Variants in GNAO1 observed in about 807,000 individuals in gnomAD.
GNAO1 encodes the protein G protein subunit alpha o1, also known as guanine nucleotide-binding protein G(o) subunit alpha.
For synonymous variants in GNAO1, 164 were observed against 180.7 expected (o/e 0.91, Z 0.74); for missense variants, 166 against 478.7 (o/e 0.35, Z 6.10).
intron 2 of GNAO1, among the ~76,000 whole-genome samples, chr16:56,240,513 G>A (rs2036684897): frequency 6.6e-6 from 1 of 152,086 alleles, no homozygotes; most frequent in Admixed American, 6.5e-5. Context: ...TGAGTGGTGG[G>A]TCCCATATGT....
At chr16:56,270,513 G>C (rs1048026878) in intron 2 of GNAO1, 68 of 152,202 alleles carry the variant, frequency 4.5e-4, no homozygotes, top group African/African-American at 1.5e-3. Flanking sequence ...CAGGTCTGGT[G>C]CATCTGTGTA....
intron 2 of GNAO1, among the ~76,000 whole-genome samples, chr16:56,250,470 A>G (rs75910214): frequency 2.8e-4 from 43 of 152,310 alleles, no homozygotes; most frequent in Non-Finnish European, 5.3e-4. Context: ...TGCCAGGTTT[A>G]GTTGGGTGGC....
At chr16:56,271,925 C>T (rs1450561265) in intron 2 of GNAO1, among the ~76,000 whole-genome samples, 4 of 152,194 alleles carry the variant, frequency 2.6e-5, no homozygotes, top group Middle Eastern at 3.4e-3. Flanking sequence ...CTGCTCTACT[C>T]GGCCTTTCTA....
In GNAO1 at chr16:56,261,193, C is replaced by G. The variant is rs191964679; in HGVS notation, c.162-14738C>G. Among the ~76,000 whole-genome samples the G allele has an allele frequency of 2.9e-3, 445 of 152,336 alleles. 10 individuals are homozygous for G. The highest frequency in any genetic ancestry group is 0.027 in the Admixed American group (415 of 15,298). ...TACCATAAGCAGTCCTCTCAGAGGA[C>G]ATGAGAAATCATGATTTCCCTGAGG... On this transcript the variant is annotated intron_variant, in intron 2 of 8. Coordinates refer to ENST00000262493, the MANE Select transcript of GNAO1 (RefSeq NM_020988.3).
In GNAO1 at chr16:56,299,163, G is replaced by C. The variant is rs531929826; in HGVS notation, c.303+23091G>C. ...TGGCAGAGCCAGCAACAAGACCCAGGCTTGCCTAACTCCAAAGGCAAGGCT... is the reference window on the plus strand; with the variant it reads ...TGGCAGAGCCAGCAACAAGACCCAGCCTTGCCTAACTCCAAAGGCAAGGCT... On this transcript the variant is annotated intron_variant, in intron 3 of 8. Coordinates refer to ENST00000262493, the MANE Select transcript of GNAO1 (RefSeq NM_020988.3). Among the ~76,000 whole-genome samples, 10 of 152,330 alleles carry C rather than the reference G, an allele frequency of 6.6e-5. 1 individual carries two copies. In the South Asian group the frequency reaches 2.1e-3, roughly 32 times the overall value.
chr16:56,232,315 T>C (rs766152698), intron 2 of GNAO1, among the ~76,000 whole-genome samples: 2 of 152,178 alleles, frequency 1.3e-5, no homozygotes, highest in Non-Finnish European at 2.9e-5. Flanking sequence ...GTAAGACGAA[T>C]AGTGTTTCTG....
At chr16:56,259,449 C>G (rs1322398248) in intron 2 of GNAO1, among the ~76,000 whole-genome samples, 1 of 152,166 alleles carries the variant, frequency 6.6e-6, no homozygotes, top group South Asian at 2.1e-4. Flanking sequence ...TGTTCCATAC[C>G]AGCCTGACCC....
At chr16:56,309,703 C>T (rs910716798) in intron 3 of GNAO1, among the ~76,000 whole-genome samples, 10 of 152,172 alleles carry the variant, frequency 6.6e-5, no homozygotes, top group Non-Finnish European at 1.3e-4. Context: ...TGACCTGTTT[C>T]CAGTCCCACC....
In GNAO1 at chr16:56,297,503, G is replaced by A. The variant is rs1011185222; in HGVS notation, c.303+21431G>A. Among the ~76,000 whole-genome samples the A allele has an allele frequency of 3.3e-5, 5 of 150,632 alleles. No homozygotes were observed. The East Asian group carries it at 5.9e-4, about 18-fold the overall frequency. On this transcript the variant is annotated intron_variant, in intron 3 of 8. Transcript: ENST00000262493. ...ACCCGGTGGATGACATGGACACTGC[G>A]CACCTGTTTTGTCTAACTGGTGTGT...
chr16:56,304,227 G>A (rs1166643349), intron 3 of GNAO1, among the ~76,000 whole-genome samples: 1 of 152,212 alleles, frequency 6.6e-6, no homozygotes, highest in African/African-American at 2.4e-5. Flanking sequence ...AGACTTCAGG[G>A]AGCCCCCTGC....
At chr16:56,231,493 A>G (rs929872) in intron 2 of GNAO1, among the ~76,000 whole-genome samples, 95,238 of 151,964 alleles carry the variant, frequency 0.63, 30,108 homozygotes, top group East Asian at 0.71. Flanking sequence ...GCCAGGTCCG[A>G]GTCTGTTTTG....
intron 2 of GNAO1, among the ~76,000 whole-genome samples, chr16:56,205,547 C>T (rs2036319644): frequency 6.6e-6 from 1 of 152,226 alleles, no homozygotes; most frequent in African/African-American, 2.4e-5. Flanking sequence ...TGTGGCCATT[C>T]TTCCTACTCT....
intron 2 of GNAO1, among the ~76,000 whole-genome samples, chr16:56,229,500 G>A (rs1422370328): frequency 6.6e-6 from 1 of 152,144 alleles, no homozygotes; most frequent in South Asian, 2.1e-4. Context: ...GAGCCACTGT[G>A]CCCTGCCCCC....
intron 6 of GNAO1, chr16:56,346,261 G>A: frequency 1.0e-6 from 1 of 985,450 alleles, no homozygotes; most frequent in Non-Finnish European, 1.2e-6. Context: ...GTGACTGAGG[G>A]TGACAAATGA....
chr16:56,303,664 C>T (rs144456564), intron 3 of GNAO1, among the ~76,000 whole-genome samples: 116 of 152,310 alleles, frequency 7.6e-4, no homozygotes, highest in African/African-American at 2.3e-3. Context: ...TGGCTGACAG[C>T]GACCTCAGAG....
chr16:56,250,106 G>A (rs754762084), intron 2 of GNAO1, among the ~76,000 whole-genome samples: 5 of 152,218 alleles, frequency 3.3e-5, no homozygotes, highest in Non-Finnish European at 7.3e-5. Context: ...TAAGAAGGGA[G>A]GGCGTTCTAG....
chr16:56,272,785 A>T lies in GNAO1; in HGVS notation c.162-3146A>T, dbSNP rs559052469. On this transcript the variant is annotated intron_variant, in intron 2 of 8. Transcript: ENST00000262493. ...GTGCATATAAAGATTAATGATATCA[A>T]TAGGTGTGAAATAGGTTGAAGGAAG... 2.6e-5 allele frequency among the ~76,000 whole-genome samples: 4 copies of T among 152,348 alleles called. No individual in the cohort carries two copies. In the East Asian group the frequency reaches 7.7e-4, roughly 29 times the overall value.
chr16:56,308,680 G>A (rs2037422349), intron 3 of GNAO1, among the ~76,000 whole-genome samples: 1 of 152,188 alleles, frequency 6.6e-6, no homozygotes. Flanking sequence ...GTTGGGTGGA[G>A]GAACAGGACC....
chr16:56,328,023 T>C (rs16956347), intron 3 of GNAO1, among the ~76,000 whole-genome samples: 2,988 of 152,296 alleles, frequency 0.02, 53 homozygotes, highest in South Asian at 0.089. Flanking sequence ...TTTTGCCATC[T>C]GCACTAACTT....
Sources: gnomAD v4.1 joint callset for allele counts (sites outside exome capture counted in the v4.1 genomes callset) on GRCh38, gnomAD v4.1.1 for gene constraint, MANE v1.5 for transcripts, NCBI Gene and HGNC (gene_info 2026-07-23, HGNC 2026-07-21) for gene names.